The following DOCK8 variants were observed in gnomAD, a reference collection of about 807,000 sequenced individuals.
The protein encoded by DOCK8 is dedicator of cytokinesis 8.
DOCK8 carries 141 observed loss-of-function variants against 245.6 expected under a neutral mutation model. The ratio of observed to expected loss-of-function variants is 0.57; its 90% CI spans 0.50 to 0.66. The LOEUF (loss-of-function observed/expected upper bound fraction) is 0.66. DOCK8 is among the 30% of genes least tolerant of loss of function. The pLI is 0.00. For synonymous variants in DOCK8, 1,168 were observed against 970.2 expected, an observed-to-expected ratio of 1.20 and a Z score of -3.79; for missense variants, 2,965 against 2,603.4, an observed-to-expected ratio of 1.14 and a Z score of -3.02.
chr9:247,295 G>C (rs2047527932), intron 1 of DOCK8, among the ~76,000 whole-genome samples: 1 of 152,076 alleles, frequency 6.6e-6, no homozygotes, highest in African/African-American at 2.4e-5. Context: ...ATCAGATTAT[G>C]AATATCTATT....
intron 2 of DOCK8, chr9:284,377 G>T (rs2048721606): frequency 6.6e-6 from 1 of 152,148 alleles, no homozygotes; most frequent in Non-Finnish European, 1.5e-5. Flanking sequence ...ATTTTCAGAG[G>T]GACCCTTGTA....
In DOCK8 at chr9:369,691, T is replaced by C. The variant is rs140660679; in HGVS notation, c.1798-539T>C. 1.8e-3 allele frequency: 301 copies of C among 164,692 alleles called. 2 individuals are homozygous for C. Among genetic ancestry groups the C allele is most frequent in the African/African-American group, 6.9e-3 (286 of 41,676 alleles). 10.2% of individuals were successfully genotyped at this position (164,692 alleles called of 1,614,324 possible). The stretch of plus-strand genomic sequence containing the variant: ...CAGAGTGGAGAGAGTACTGGTTTTC[T>C]AATCTCACAAACATGTGGCCTTTGG... On this transcript the variant is annotated intron_variant, in intron 15 of 47. Transcript: ENST00000432829.
chr9:406,610 C>G (rs943629484), intron 27 of DOCK8, among the ~76,000 whole-genome samples: 2 of 151,938 alleles, frequency 1.3e-5, no homozygotes, highest in African/African-American at 2.4e-5. Flanking sequence ...TCTTATTTCT[C>G]TGTCCAACTT....
chr9:349,860 T>C (rs1052152912), intron 14 of DOCK8, among the ~76,000 whole-genome samples: 5 of 152,228 alleles, frequency 3.3e-5, no homozygotes, highest in Admixed American at 1.3e-4. Context: ...TCATTCTCTT[T>C]GGCTCAGACT....
intron 1 of DOCK8, among the ~76,000 whole-genome samples, chr9:240,875 C>G (rs555166894): frequency 6.6e-6 from 1 of 152,220 alleles, no homozygotes; most frequent in African/African-American, 2.4e-5. Context: ...AAAAAATATT[C>G]TATTCCATAG....
rs116225609 is a variant in DOCK8, at chr9:229,205, A to C, written c.53+14176A>C. On this transcript the variant is annotated intron_variant, in intron 1 of 47. Coordinates refer to ENST00000432829, the MANE Select transcript of DOCK8 (RefSeq NM_203447.4). Reference sequence around the variant, plus strand: ...TTTTAACCAACCACAGCACCCAACCAAAAAAATTAATACTATCCCGTTTCA... The same window carrying C: ...TTTTAACCAACCACAGCACCCAACCCAAAAAATTAATACTATCCCGTTTCA... 2.3e-3 allele frequency among the ~76,000 whole-genome samples: 347 copies of C among 152,298 alleles called. 1 individual carries two copies. Among genetic ancestry groups the C allele is most frequent in the African/African-American group, 8.1e-3 (336 of 41,570 alleles).
Position 399,026 on chromosome 9 carries a change from A to T in DOCK8, c.3121-120A>T, listed in dbSNP as rs2054603295. Reference sequence around the variant, plus strand: ...AGACTCAACTACTTCGCCCAGTGCCACCCAGAAGGACAGTGGCTGAAATAA... The same window carrying T: ...AGACTCAACTACTTCGCCCAGTGCCTCCCAGAAGGACAGTGGCTGAAATAA... On this transcript the variant is annotated intron_variant, in intron 25 of 47. Coordinates refer to ENST00000432829, the MANE Select transcript of DOCK8 (RefSeq NM_203447.4). 7.9e-6 allele frequency: 7 copies of T among 886,486 alleles called. No individual in the cohort carries two copies. In the East Asian group the frequency reaches 1.8e-4, roughly 23 times the overall value. The allele number at this position is 886,486 out of a possible 1,614,324, so 54.9% of individuals were successfully genotyped here.
intron 45 of DOCK8, among the ~76,000 whole-genome samples, chr9:450,551 C>T (rs2131872127): frequency 6.6e-6 from 1 of 152,236 alleles, no homozygotes; most frequent in South Asian, 2.1e-4. Context: ...AGTGGGCCTC[C>T]TTAATTCAAA....
intron 14 of DOCK8, among the ~76,000 whole-genome samples, chr9:346,661 G>A (rs2051904142): frequency 6.6e-6 from 1 of 152,056 alleles, no homozygotes; most frequent in East Asian, 1.9e-4. Context: ...GCTGTTTTCA[G>A]GACTCCTCCT....
intron 1 of DOCK8, among the ~76,000 whole-genome samples, chr9:221,261 G>A (rs1266199538): frequency 6.6e-6 from 1 of 152,128 alleles, no homozygotes; most frequent in African/African-American, 2.4e-5. Context: ...AACAGAACCA[G>A]TTTCTCCAGC....
chr9:379,315 A>C (rs1193136686), intron 20 of DOCK8, among the ~76,000 whole-genome samples: 1 of 152,180 alleles, frequency 6.6e-6, no homozygotes, highest in Non-Finnish European at 1.5e-5. Flanking sequence ...AGGGTTGTGC[A>C]GCACATCTCA....
chr9:338,067 T>C (rs1586737403), intron 12 of DOCK8, among the ~76,000 whole-genome samples: 1 of 152,100 alleles, frequency 6.6e-6, no homozygotes, highest in East Asian at 1.9e-4. Context: ...GGCTGGAGAA[T>C]TGTTTGAACC....
intron 32 of DOCK8, among the ~76,000 whole-genome samples, 177 bp from the exon 33 acceptor site, chr9:421,871 A>T (rs1447601885): frequency 6.6e-6 from 1 of 152,152 alleles, no homozygotes; most frequent in Non-Finnish European, 1.5e-5. Context: ...TCAATCAAAG[A>T]GCGGGCCAAC....
intron 30 of DOCK8, among the ~76,000 whole-genome samples, chr9:419,791 G>T (rs1371861986): frequency 6.6e-6 from 1 of 152,132 alleles, no homozygotes; most frequent in Non-Finnish European, 1.5e-5. Flanking sequence ...AAAGCAAATA[G>T]CCTGAACCCC....
chr9:261,997 G>GAGAA (rs149792134), intron 1 of DOCK8, among the ~76,000 whole-genome samples: 37,114 of 146,682 alleles, frequency 0.25, 4,887 homozygotes, highest in Non-Finnish European at 0.28. Context: ...AAGAAAGAAG[G>GAGAA]AGAAAGAAAG....
At chr9:234,125 G>T (rs906511670) in intron 1 of DOCK8, among the ~76,000 whole-genome samples, 3 of 152,264 alleles carry the variant, frequency 2.0e-5, no homozygotes, top group Non-Finnish European at 4.4e-5. Flanking sequence ...TTGCTTGTCT[G>T]TAAAGGACTT....
rs992446957 is a variant in DOCK8 at position 224,070 on chromosome 9, A to C, written c.53+9041A>C. On this transcript the variant is annotated intron_variant, in intron 1 of 47. Transcript: ENST00000432829. ...TACCTTGTCAAATAGTTCTGAAAGTAATTGCAAAGAGGAGTTCCAAAAGTG... is the reference window on the plus strand; with the variant it reads ...TACCTTGTCAAATAGTTCTGAAAGTCATTGCAAAGAGGAGTTCCAAAAGTG... 6.6e-5 allele frequency among the ~76,000 whole-genome samples: 10 copies of C among 152,346 alleles called. No individual in the cohort carries two copies. The South Asian group carries it at 2.1e-3, about 32-fold the overall frequency.
chr9:332,369 C>T (rs1429132247), intron 9 of DOCK8, 29 bp from the exon 10 acceptor site: 1 of 1,491,796 alleles, frequency 6.7e-7, no homozygotes, highest in Non-Finnish European at 9.4e-7. Context: ...AATTTATGTG[C>T]CTTATTTTAA....
chr9:253,349 C>T (rs75184550), intron 1 of DOCK8, among the ~76,000 whole-genome samples: 4,446 of 152,244 alleles, frequency 0.029, 193 homozygotes, highest in African/African-American at 0.1. Context: ...TGATTGGTCA[C>T]GGATTTCTTT....
Sources: allele counts gnomAD v4.1 joint callset (sites outside exome capture counted in the v4.1 genomes callset), GRCh38; gene constraint gnomAD v4.1.1; transcripts MANE v1.5; gene names NCBI Gene and HGNC (gene_info 2026-07-23, HGNC 2026-07-21).